The following ZNF704 variants were observed in gnomAD, a reference collection of about 807,000 sequenced individuals.
ZNF704 encodes glucocorticoid induced gene 1.
A neutral mutation model predicts 44.7 loss-of-function variants in ZNF704; 10 were observed. That is an observed-to-expected ratio of 0.22 (90% CI 0.14 to 0.38). The LOEUF (loss-of-function observed/expected upper bound fraction) is 0.38. Ranked by LOEUF, ZNF704 falls within the 10% of genes least tolerant of loss-of-function variation. The probability of loss-of-function intolerance (pLI) is 1.00; values close to 1 mark genes in which losing one functional copy is unlikely to be tolerated. For synonymous variants in ZNF704, 211 were observed against 207.6 expected, an observed-to-expected ratio of 1.02 and a Z score of -0.14; for missense variants, 390 against 545.5, an observed-to-expected ratio of 0.71 and a Z score of 2.84.
At chr8:80,857,345 G>T (rs182231666) in intron 1 of ZNF704, among the ~76,000 whole-genome samples, 18 of 152,226 alleles carry the variant, frequency 1.2e-4, no homozygotes, top group East Asian at 3.9e-4. Flanking sequence ...TAAATGTGAG[G>T]TTAATTATAG....
In ZNF704 at chr8:80,659,659, C is replaced by T. The variant is rs867164779; in HGVS notation, c.958G>A (p.Ala320Thr). ...ATPPVTIPGS[A>T]KFTPNGSSFS... ...CTGCTGCCATTGGGGGTGAACTTGG[C>T]CGATCCTGGAATGGTCACAGGGGGT... Residue 320 changes from alanine to threonine, a missense_variant, in exon 7 of 9, where the codon GCC becomes ACC. Coordinates refer to ENST00000327835, the MANE Select transcript of ZNF704 (RefSeq NM_001033723.3). 6.2e-7 allele frequency: 1 copy of T among 1,613,786 alleles called. No individual in the cohort carries two copies. Among genetic ancestry groups the T allele is most frequent in the South Asian group, 1.1e-5 (1 of 91,052 alleles).
At chr8:80,791,879 G>T (rs141740693) in intron 2 of ZNF704, among the ~76,000 whole-genome samples, 1 of 152,200 alleles carries the variant, frequency 6.6e-6, no homozygotes, top group Non-Finnish European at 1.5e-5. Flanking sequence ...TAGGTGGCTG[G>T]AAGAATGGGT....
At chr8:80,799,020 A>G (rs1462053275) in intron 2 of ZNF704, among the ~76,000 whole-genome samples, 1 of 152,158 alleles carries the variant, frequency 6.6e-6, no homozygotes, top group Non-Finnish European at 1.5e-5. Flanking sequence ...CTCTCCTTAT[A>G]AAGCCATCAG....
At chr8:80,751,279 T>C (rs1362558037) in intron 2 of ZNF704, among the ~76,000 whole-genome samples, 1 of 152,146 alleles carries the variant, frequency 6.6e-6, no homozygotes, top group Non-Finnish European at 1.5e-5. Context: ...TCTTTCCTGG[T>C]GTTTGTTTAC....
chr8:80,635,999 G>A lies in ZNF704; in HGVS notation c.*5367C>T, dbSNP rs1459683270. 1.1e-4 allele frequency: 16 copies of A among 152,130 alleles called. No homozygotes were observed. The highest frequency in any genetic ancestry group is 9.8e-4 in the Admixed American group (15 of 15,276). The allele number at this position is 152,130 out of a possible 1,614,324, so 9.4% of individuals were successfully genotyped here. The stretch of plus-strand genomic sequence containing the variant: ...TATATTTTAAAAAATAAGCTACAAT[G>A]TATAAAACCAAGGTCATTTCTCACA... On this transcript the variant is annotated 3_prime_UTR_variant, in exon 9 of 9. Transcript: ENST00000327835.
chr8:80,703,345 G>A (rs149917094), intron 2 of ZNF704, among the ~76,000 whole-genome samples: 45 of 152,138 alleles, frequency 3.0e-4, no homozygotes, highest in African/African-American at 8.9e-4. Flanking sequence ...ACCTGCCAAG[G>A]GCCAGGGGCA....
intron 1 of ZNF704, among the ~76,000 whole-genome samples, chr8:80,862,721 C>T (rs1403857947): frequency 7.4e-6 from 1 of 134,816 alleles, no homozygotes; most frequent in Admixed American, 8.2e-5. Context: ...GCCGAGATCA[C>T]ACCAGTGTAC....
At chr8:80,693,428 T>C (rs762680816) in intron 2 of ZNF704, among the ~76,000 whole-genome samples, 1 of 152,182 alleles carries the variant, frequency 6.6e-6, no homozygotes, top group Non-Finnish European at 1.5e-5. Context: ...CTTGCTTTCA[T>C]GGAGCCTAGA....
intron 1 of ZNF704, among the ~76,000 whole-genome samples, chr8:80,864,645 G>A (rs943047922): frequency 3.3e-5 from 5 of 152,032 alleles, no homozygotes; most frequent in African/African-American, 1.2e-4. Context: ...GAGTTTAGAG[G>A]TACACTTTGG....
Position 80,741,302 on chromosome 8 carries a change from G to A in ZNF704, c.222-48195C>T, listed in dbSNP as rs534533287. Among the ~76,000 whole-genome samples the A allele has an allele frequency of 1.6e-3, 243 of 152,320 alleles. 1 individual carries two copies. Among genetic ancestry groups the A allele is most frequent in the African/African-American group, 5.7e-3 (239 of 41,578 alleles). On this transcript the variant is annotated intron_variant, in intron 2 of 8. Transcript: ENST00000327835. ...GCCCTAACCCAAGCCCCAGTGTTAA[G>A]CTTGCCAACGGGGCAAGACTTTTCT...
intron 2 of ZNF704, among the ~76,000 whole-genome samples, chr8:80,743,805 C>A (rs1806802885): frequency 6.6e-6 from 1 of 152,210 alleles, no homozygotes; most frequent in Admixed American, 6.5e-5. Flanking sequence ...TGTCTAACTT[C>A]ATAGGGTCCC....
intron 2 of ZNF704, among the ~76,000 whole-genome samples, chr8:80,712,291 A>T (rs1231196543): frequency 6.6e-6 from 1 of 152,178 alleles, no homozygotes. Context: ...CAGCCCCTCC[A>T]TCTTGGACTT....
At chr8:80,735,855 T>A (rs968865799) in intron 2 of ZNF704, among the ~76,000 whole-genome samples, 3 of 152,248 alleles carry the variant, frequency 2.0e-5, no homozygotes, top group African/African-American at 7.2e-5. Flanking sequence ...CTTAGAAAAT[T>A]ACCTTCAGCA....
chr8:80,704,583 G>A (rs774138449), intron 2 of ZNF704, among the ~76,000 whole-genome samples: 1 of 152,132 alleles, frequency 6.6e-6, no homozygotes, highest in Non-Finnish European at 1.5e-5. Flanking sequence ...CACCGACCCC[G>A]ACCCCAACCT....
chr8:80,851,902 G>A (rs563148438), intron 1 of ZNF704, among the ~76,000 whole-genome samples: 70 of 152,012 alleles, frequency 4.6e-4, no homozygotes, highest in African/African-American at 1.6e-3. Context: ...AAAAAGACTA[G>A]ACATCATTTT....
intron 2 of ZNF704, among the ~76,000 whole-genome samples, chr8:80,793,731 AAAT>A (rs887567481): frequency 7.2e-4 from 109 of 152,262 alleles, no homozygotes; most frequent in African/African-American, 2.6e-3. Context: ...TTGCATAAGA[AAAT>A]AACAAAAAAT....
At position 80,827,543 on chromosome 8, in the gene ZNF704, C is replaced by CT. The variant is rs1330575478; in HGVS notation, c.-21-5929dup. Among the ~76,000 whole-genome samples the CT allele has an allele frequency of 2.0e-5, 3 of 152,166 alleles. No individual in the cohort carries two copies. In the East Asian group the frequency reaches 5.8e-4, roughly 29 times the overall value. On this transcript the variant is annotated intron_variant, in intron 1 of 8. Coordinates refer to ENST00000327835, the MANE Select transcript of ZNF704 (RefSeq NM_001033723.3). ...TGCCATCCCTATCAAGCTACCAAGA[C>CT]TTTCTTCACAGAATTGGAAAAAAAC...
chr8:80,714,123 G>C (rs1819035599), intron 2 of ZNF704, among the ~76,000 whole-genome samples: 1 of 152,166 alleles, frequency 6.6e-6, no homozygotes, highest in African/African-American at 2.4e-5. Context: ...AATTTGTAGA[G>C]CCAAATCAGA....
At chr8:80,668,997 C>T (rs1321411217) in intron 5 of ZNF704, among the ~76,000 whole-genome samples, 4 of 152,088 alleles carry the variant, frequency 2.6e-5, no homozygotes, top group Non-Finnish European at 4.4e-5. Context: ...TCTAAAAGCA[C>T]ATCAGGAAAA....
Sources: gnomAD v4.1 joint callset for allele counts (sites outside exome capture counted in the v4.1 genomes callset) on GRCh38, gnomAD v4.1.1 for gene constraint, MANE v1.5 for transcripts, NCBI Gene and HGNC (gene_info 2026-07-23, HGNC 2026-07-21) for gene names.